Variants in DPH6 observed in about 807,000 individuals in gnomAD.
The protein encoded by DPH6 is diphthine--ammonia ligase.
In DPH6, 33 loss-of-function variants were observed where a neutral mutation model predicts 38.2. The ratio of observed to expected loss-of-function variants is 0.86; its 90% CI spans 0.65 to 1.15. The LOEUF is 1.15. DPH6 is among the 50% of genes most tolerant of loss of function. The pLI is 0.00. For missense variants in DPH6, 325 were observed against 320.0 expected, an observed-to-expected ratio of 1.02 and a Z score of -0.12; for synonymous variants, 108 against 103.0, an observed-to-expected ratio of 1.05 and a Z score of -0.30.
At chr15:35,438,657 G>C (rs990484592) in intron 5 of DPH6, among the ~76,000 whole-genome samples, 3 of 152,094 alleles carry the variant, frequency 2.0e-5, no homozygotes, top group Non-Finnish European at 4.4e-5. Context: ...TATATGTTGT[G>C]TGTGATGTCT....
intron 3 of DPH6, among the ~76,000 whole-genome samples, chr15:35,484,817 G>C (rs1202361893): frequency 6.6e-6 from 1 of 152,080 alleles, no homozygotes; most frequent in Non-Finnish European, 1.5e-5. Context: ...ATCACAATTG[G>C]ATTAGTTATA....
At chr15:35,509,235 G>A (rs1445095818) in intron 3 of DPH6, among the ~76,000 whole-genome samples, 1 of 152,118 alleles carries the variant, frequency 6.6e-6, no homozygotes, top group Non-Finnish European at 1.5e-5. Flanking sequence ...TAACCATCCT[G>A]TTTTATATGT....
chr15:35,492,909 A>C (rs570064463), intron 3 of DPH6, among the ~76,000 whole-genome samples: 2 of 152,232 alleles, frequency 1.3e-5, no homozygotes, highest in Non-Finnish European at 2.9e-5. Flanking sequence ...GAAAAAAAAG[A>C]AAAATAAGTT....
At chr15:35,544,808 CT>C (rs2055319795) in intron 1 of DPH6, among the ~76,000 whole-genome samples, 1 of 152,236 alleles carries the variant, frequency 6.6e-6, no homozygotes, top group Non-Finnish European at 1.5e-5. Flanking sequence ...CTCTCCTCCC[CT>C]CCAATACTTC....
intron 3 of DPH6, among the ~76,000 whole-genome samples, chr15:35,225,262 G>A (rs1466829837): frequency 6.6e-6 from 1 of 152,146 alleles, no homozygotes; most frequent in African/African-American, 2.4e-5. Flanking sequence ...TCCTATAATG[G>A]GGTATGTGCA....
intron 3 of DPH6, among the ~76,000 whole-genome samples, chr15:35,312,879 G>A (rs2052156107): frequency 6.6e-6 from 1 of 152,076 alleles, no homozygotes; most frequent in Admixed American, 6.6e-5. Context: ...ATTGGTCTAT[G>A]TGTTTGTTTT....
chr15:35,436,428 T>C (rs1052319040), intron 5 of DPH6, among the ~76,000 whole-genome samples: 1 of 148,456 alleles, frequency 6.7e-6, no homozygotes, highest in Admixed American at 6.8e-5. Flanking sequence ...ATGGCGCCAC[T>C]GCGCTCCAGC....
chr15:35,449,196 A>T (rs1330426951), intron 5 of DPH6, among the ~76,000 whole-genome samples: 3 of 151,522 alleles, frequency 2.0e-5, no homozygotes, highest in Non-Finnish European at 4.4e-5. Context: ...TTGCACACCT[A>T]TAGGCAGTCA....
rs201831412 is a variant in DPH6, at chr15:35,303,791, C to CT, written n.200+69729dup. On this transcript the variant is annotated intron_variant and non_coding_transcript_variant, in intron 3 of 3. Coordinates refer to the DPH6 transcript ENST00000560386. ...TGGGAATATAGTCATCTTTTTTCCCCTTTTTTTTTAAAGAAGGATACTAAT... is the reference window on the plus strand; with the variant it reads ...TGGGAATATAGTCATCTTTTTTCCCCTTTTTTTTTTAAAGAAGGATACTAAT... Among the ~76,000 whole-genome samples the CT allele has an allele frequency of 5.7e-4, 84 of 148,610 alleles. No homozygotes were observed. The East Asian group carries it at 6.9e-3, about 12-fold the overall frequency.
At chr15:35,350,697 A>G (rs2052503365) in intron 3 of DPH6, among the ~76,000 whole-genome samples, 1 of 152,152 alleles carries the variant, frequency 6.6e-6, no homozygotes, top group South Asian at 2.1e-4. Context: ...TGATTCATTC[A>G]TCATTCAAGA....
intron 3 of DPH6, among the ~76,000 whole-genome samples, chr15:35,297,324 C>T (rs941565241): frequency 1.3e-5 from 2 of 150,148 alleles, no homozygotes; most frequent in Non-Finnish European, 2.9e-5. Flanking sequence ...ACTCTTTTCC[C>T]TCCCTCAGTT....
At chr15:35,327,977 A>C (rs1242938598), downstream of DPH6, among the ~76,000 whole-genome samples, 1 of 152,238 alleles carries the variant, frequency 6.6e-6, no homozygotes, top group Non-Finnish European at 1.5e-5. Context: ...CTATAACAGC[A>C]TAATGCTATG....
intron 6 of DPH6, among the ~76,000 whole-genome samples, chr15:35,397,607 A>G (rs2053152957): frequency 6.6e-6 from 1 of 152,136 alleles, no homozygotes; most frequent in African/African-American, 2.4e-5. Flanking sequence ...TCTGATTTAC[A>G]CAATAGAATA....
downstream of DPH6, among the ~76,000 whole-genome samples, chr15:35,366,744 A>G (rs2052664677): frequency 6.6e-6 from 1 of 151,970 alleles, no homozygotes; most frequent in South Asian, 2.1e-4. Context: ...CCATGAATCA[A>G]CAACATATTA....
intron 3 of DPH6, among the ~76,000 whole-genome samples, chr15:35,319,071 G>A (rs1441849611): frequency 1.3e-5 from 2 of 152,160 alleles, no homozygotes; most frequent in East Asian, 1.9e-4. Flanking sequence ...GTGCTAGCAG[G>A]TGCCTAGTGA....
At chr15:35,278,731 C>G (rs1949079861) in intron 3 of DPH6, among the ~76,000 whole-genome samples, 1 of 152,142 alleles carries the variant, frequency 6.6e-6, no homozygotes, top group African/African-American at 2.4e-5. Context: ...GAGTCCACCC[C>G]TGAATGCAGG....
rs528892328 is a variant in DPH6 at position 35,346,692 on chromosome 15, T to G, written n.208-15615A>C. ...AATTGTTGTTGTTTACCTACCTTCT[T>G]AAGAGGAATGCTTAGGTCATTGATT... On this transcript the variant is annotated intron_variant and non_coding_transcript_variant, in intron 3 of 3. Coordinates refer to the DPH6 transcript ENST00000558973. Among the ~76,000 whole-genome samples, 8 of 152,290 alleles carry G rather than the reference T, an allele frequency of 5.3e-5. No individual in the cohort carries two copies. In the South Asian group the frequency reaches 1.4e-3, roughly 28 times the overall value.
At chr15:35,326,882 T>G (rs748330324), downstream of DPH6, among the ~76,000 whole-genome samples, 1 of 152,074 alleles carries the variant, frequency 6.6e-6, no homozygotes, top group Non-Finnish European at 1.5e-5. Flanking sequence ...TCACAGACAG[T>G]AAGAAAAACT....
chr15:35,529,129 T>C (rs2055047819), intron 3 of DPH6, among the ~76,000 whole-genome samples: 1 of 152,148 alleles, frequency 6.6e-6, no homozygotes, highest in Non-Finnish European at 1.5e-5. Flanking sequence ...CCAAATAATC[T>C]TCAAGGATAT....
Sources: gnomAD v4.1 joint callset for allele counts (sites outside exome capture counted in the v4.1 genomes callset) on GRCh38, gnomAD v4.1.1 for gene constraint, MANE v1.5 for transcripts, NCBI Gene and HGNC (gene_info 2026-07-23, HGNC 2026-07-21) for gene names.